VTI1A: variants seen among roughly 807,000 people sequenced by gnomAD.
VTI1A encodes vesicle transport through interaction with t-SNAREs 1A, also known as vesicle transport through interaction with t-SNAREs homolog 1A.
Under a neutral mutation model 34.9 loss-of-function variants are expected in VTI1A, and 22 were observed. The ratio of observed to expected loss-of-function variants is 0.63; its 90% CI spans 0.45 to 0.90. The LOEUF (loss-of-function observed/expected upper bound fraction) is 0.90. Ranked by LOEUF, VTI1A falls within the 40% of genes least tolerant of loss-of-function variation. The probability of loss-of-function intolerance (pLI) is 0.00; values close to 1 mark genes in which losing one functional copy is unlikely to be tolerated. For synonymous variants in VTI1A, 87 were observed against 97.3 expected (o/e 0.89, Z 0.62); for missense variants, 268 against 275.6 (o/e 0.97, Z 0.20).
intron 7 of VTI1A, among the ~76,000 whole-genome samples, chr10:112,692,264 G>T (rs1848639426): frequency 6.6e-6 from 1 of 152,184 alleles, no homozygotes; most frequent in Non-Finnish European, 1.5e-5. Context: ...GATTTCTGGG[G>T]TTCCATCCAA....
At chr10:112,839,551 T>C in the VTI1A span, among the ~76,000 whole-genome samples, 5 of 121,934 alleles carry the variant, frequency 4.1e-5, no homozygotes, top group Non-Finnish European at 6.8e-5. Context: ...GGGGGGAGCA[T>C]AGATGAAAGG....
At chr10:112,702,878 G>T (rs1435219216) in intron 7 of VTI1A, among the ~76,000 whole-genome samples, 1 of 152,122 alleles carries the variant, frequency 6.6e-6, no homozygotes, top group African/African-American at 2.4e-5. Flanking sequence ...GACCCACTGC[G>T]CCTGGCTCTG....
At chr10:112,801,653 G>T (rs2134073048) in intron 7 of VTI1A, among the ~76,000 whole-genome samples, 1 of 152,242 alleles carries the variant, frequency 6.6e-6, no homozygotes, top group East Asian at 1.9e-4. Flanking sequence ...CATATGTTAT[G>T]TAAAAATAAA....
chr10:112,803,688 C>A (rs531898623), intron 7 of VTI1A, among the ~76,000 whole-genome samples: 1 of 152,276 alleles, frequency 6.6e-6, no homozygotes, highest in Non-Finnish European at 1.5e-5. Flanking sequence ...ATCACTTGAG[C>A]CCAGGAGGTG....
intron 5 of VTI1A, among the ~76,000 whole-genome samples, chr10:112,629,022 C>T (rs1846030271): frequency 6.6e-6 from 1 of 152,210 alleles, no homozygotes; most frequent in Non-Finnish European, 1.5e-5. Flanking sequence ...CTTTCTATTA[C>T]TGGTTACTCA....
intron 7 of VTI1A, among the ~76,000 whole-genome samples, chr10:112,757,089 A>G (rs909410349): frequency 1.3e-5 from 2 of 152,018 alleles, no homozygotes; most frequent in African/African-American, 4.8e-5. Flanking sequence ...TCATTCAACA[A>G]ATACTAATTC....
downstream of VTI1A, among the ~76,000 whole-genome samples, chr10:112,821,598 TG>T (rs1237267233): frequency 6.6e-6 from 1 of 152,162 alleles, no homozygotes; most frequent in Non-Finnish European, 1.5e-5. Flanking sequence ...CTGACACCTG[TG>T]GGGGCCCTAT....
chr10:112,852,455 C>T, the VTI1A span, among the ~76,000 whole-genome samples: 13 of 152,194 alleles, frequency 8.5e-5, no homozygotes, highest in African/African-American at 3.1e-4. Context: ...ATTTCCTCTC[C>T]AGCAGGGCAT....
intron 5 of VTI1A, among the ~76,000 whole-genome samples, chr10:112,633,984 T>G (rs574541608): frequency 1.1e-4 from 16 of 152,316 alleles, no homozygotes; most frequent in African/African-American, 3.8e-4. Flanking sequence ...ATTTTAGTGG[T>G]GTATCCAAAC....
the VTI1A span, chr10:112,832,517 A>T: frequency 6.6e-6 from 1 of 152,288 alleles, no homozygotes; most frequent in African/African-American, 2.4e-5. Context: ...CATCCACATC[A>T]GACTTACTTC....
chr10:112,541,099 A>G lies in VTI1A; in HGVS notation c.427+2769A>G, dbSNP rs1369373016. Reference sequence around the variant, plus strand: ...TTTGGGGGTGTAAAGGAAAGTTGTAATGTGATTGAAATAGTAGGTAGAAGT... The same window carrying G: ...TTTGGGGGTGTAAAGGAAAGTTGTAGTGTGATTGAAATAGTAGGTAGAAGT... On this transcript the variant is annotated intron_variant, in intron 5 of 7. Coordinates refer to ENST00000393077, the MANE Select transcript of VTI1A (RefSeq NM_145206.4). Among the ~76,000 whole-genome samples, 10 of 152,232 alleles carry G rather than the reference A, an allele frequency of 6.6e-5. 1 individual carries two copies. Among genetic ancestry groups the G allele is most frequent in the Non-Finnish European group, 1.2e-4 (8 of 68,040 alleles).
intron 3 of VTI1A, among the ~76,000 whole-genome samples, chr10:112,486,015 A>G (rs1848612531): frequency 1.3e-5 from 2 of 152,284 alleles, no homozygotes; most frequent in Middle Eastern, 3.4e-3. Flanking sequence ...TTATCTATAC[A>G]AAGTACTTTG....
rs551237595 is a variant in VTI1A, at chr10:112,531,035, C to T, written c.342+3871C>T. Among the ~76,000 whole-genome samples the T allele has an allele frequency of 8.0e-5, 12 of 149,574 alleles. No individual in the cohort carries two copies. In the South Asian group the frequency reaches 2.3e-3, roughly 29 times the overall value. ...CGCGTTATCAGCTTTAAAAAAAATT[C>T]GGTAGTTCTGGGGTCACGTGACACA... On this transcript the variant is annotated intron_variant, in intron 4 of 7. Transcript: ENST00000393077.
chr10:112,736,111 G>A (rs35928009), intron 7 of VTI1A, among the ~76,000 whole-genome samples: 27,597 of 114,112 alleles, frequency 0.24, 3,958 homozygotes, highest in African/African-American at 0.4. Flanking sequence ...ATGTGTGTGT[G>A]TATATATATA....
chr10:112,822,453 A>G (rs1853671108), downstream of VTI1A, among the ~76,000 whole-genome samples: 1 of 152,206 alleles, frequency 6.6e-6, no homozygotes, highest in Admixed American at 6.5e-5. Flanking sequence ...CCCTGGGGGC[A>G]GGAAAATTGT....
Position 112,531,180 on chromosome 10 carries a change from CT to C in VTI1A, c.342+4018del, listed in dbSNP as rs777102487. ...TTTTGATTTTAGTCACAGCAGAAGG[CT>C]TAACCACAAGAGATTCCACTGGTTC... On this transcript the variant is annotated intron_variant, in intron 4 of 7. Coordinates refer to ENST00000393077, the MANE Select transcript of VTI1A (RefSeq NM_145206.4). 1.3e-4 allele frequency among the ~76,000 whole-genome samples: 19 copies of C among 151,848 alleles called. 1 individual carries two copies. Among genetic ancestry groups the C allele is most frequent in the Admixed American group, 9.8e-4 (15 of 15,254 alleles).
At chr10:112,569,551 C>T (rs1162882268) in intron 5 of VTI1A, among the ~76,000 whole-genome samples, 2 of 152,200 alleles carry the variant, frequency 1.3e-5, no homozygotes, top group African/African-American at 4.8e-5. Flanking sequence ...CTTTTGCCCT[C>T]AACATGGAGC....
At chr10:112,782,979 T>G (rs573656442) in intron 7 of VTI1A, among the ~76,000 whole-genome samples, 1 of 152,232 alleles carries the variant, frequency 6.6e-6, no homozygotes, top group African/African-American at 2.4e-5. Context: ...GTGCAGAACT[T>G]GGTAGGAAAG....
intron 5 of VTI1A, among the ~76,000 whole-genome samples, chr10:112,540,164 C>T (rs1850811084): frequency 6.6e-6 from 1 of 152,090 alleles, no homozygotes; most frequent in East Asian, 1.9e-4. Flanking sequence ...TCATATAGCT[C>T]CCTCCCAAAG....
Sources: gnomAD v4.1 joint callset for allele counts (sites outside exome capture counted in the v4.1 genomes callset) on GRCh38, gnomAD v4.1.1 for gene constraint, MANE v1.5 for transcripts, NCBI Gene and HGNC (gene_info 2026-07-23, HGNC 2026-07-21) for gene names.